Variants in PDE4D observed in about 807,000 individuals in gnomAD.
The protein encoded by PDE4D is 3',5'-cyclic-AMP phosphodiesterase 4D.
A neutral mutation model predicts 87.4 loss-of-function variants in PDE4D; 24 were observed. The observed-to-expected ratio is 0.27, with a 90% CI of 0.20 to 0.39. The LOEUF is 0.39. Among genes scored for constraint, PDE4D ranks in the 10% least tolerant of loss-of-function variants. The pLI is 1.00. For missense variants in PDE4D, 714 were observed against 1,041.0 expected (o/e 0.69, Z 4.32); for synonymous variants, 384 against 383.2 (o/e 1.00, Z -0.02).
chr5:60,051,607 C>T (rs1438667098), intron 2 of PDE4D, among the ~76,000 whole-genome samples: 2 of 152,222 alleles, frequency 1.3e-5, no homozygotes, highest in East Asian at 1.9e-4. Flanking sequence ...AATCGACACC[C>T]TAACGTCACA....
chr5:60,429,834 GTTTTT>G (rs371387651), intron 1 of PDE4D: 1 of 278,190 alleles, frequency 3.6e-6, no homozygotes, highest in African/African-American at 2.5e-5. Flanking sequence ...TGGTGGATTA[GTTTTT>G]TTTTTTTTGT....
At chr5:60,028,272 G>A (rs1344443662) in intron 2 of PDE4D, among the ~76,000 whole-genome samples, 1 of 151,934 alleles carries the variant, frequency 6.6e-6, no homozygotes, top group Admixed American at 6.6e-5. Flanking sequence ...TGTTTTGGGG[G>A]CCCCAAGATT....
At chr5:59,542,598 A>G (rs1206283246) in intron 1 of PDE4D, among the ~76,000 whole-genome samples, 1 of 152,186 alleles carries the variant, frequency 6.6e-6, no homozygotes, top group East Asian at 1.9e-4. Context: ...GAATTACAAA[A>G]TGCACTCATC....
chr5:59,229,507 G>A (rs750220877), intron 1 of PDE4D, among the ~76,000 whole-genome samples: 1 of 152,110 alleles, frequency 6.6e-6, no homozygotes, highest in Non-Finnish European at 1.5e-5. Context: ...AATCAGGGGT[G>A]GGATCAAGGT....
intron 8 of PDE4D, among the ~76,000 whole-genome samples, chr5:58,991,455 T>C (rs986531741): frequency 3.3e-5 from 5 of 152,244 alleles, no homozygotes; most frequent in Admixed American, 3.3e-4. Flanking sequence ...TGGCTTAACC[T>C]TGTGACTTTG....
chr5:59,120,716 C>G (rs1011149347), intron 5 of PDE4D, among the ~76,000 whole-genome samples: 1 of 151,522 alleles, frequency 6.6e-6, no homozygotes, highest in Non-Finnish European at 1.5e-5. Context: ...CACAACTAAC[C>G]AAAGCAATCC....
At chr5:59,860,548 T>C (rs1385791850) in intron 1 of PDE4D, among the ~76,000 whole-genome samples, 1 of 152,226 alleles carries the variant, frequency 6.6e-6, no homozygotes, top group African/African-American at 2.4e-5. Flanking sequence ...AATATTTAAA[T>C]GAATCACTTT....
intron 4 of PDE4D, among the ~76,000 whole-genome samples, chr5:59,183,685 A>G (rs1012153605): frequency 2.0e-5 from 3 of 152,188 alleles, no homozygotes; most frequent in African/African-American, 7.2e-5. Context: ...CCCAAAGCCC[A>G]AGGGGGCCGC....
intron 1 of PDE4D, among the ~76,000 whole-genome samples, chr5:60,432,301 A>AT (rs537501932): frequency 4.0e-4 from 61 of 152,218 alleles, no homozygotes; most frequent in Middle Eastern, 3.4e-3. Context: ...CTCCTCCTCA[A>AT]TTTTTTGGAA....
intron 1 of PDE4D, among the ~76,000 whole-genome samples, chr5:60,350,522 G>A (rs1291877982): frequency 6.6e-6 from 1 of 152,092 alleles, no homozygotes; most frequent in Non-Finnish European, 1.5e-5. Flanking sequence ...GTATTCAGCA[G>A]GTTACATTCA....
intron 10 of PDE4D, among the ~76,000 whole-genome samples, chr5:58,989,357 A>G (rs1206110001): frequency 6.6e-6 from 1 of 152,174 alleles, no homozygotes; most frequent in Non-Finnish European, 1.5e-5. Flanking sequence ...AAATTAAAGT[A>G]TGTCCTTCTA....
intron 1 of PDE4D, among the ~76,000 whole-genome samples, chr5:59,605,402 A>G (rs960777967): frequency 6.6e-6 from 1 of 152,136 alleles, no homozygotes; most frequent in Admixed American, 6.6e-5. Context: ...GTATTTAAAG[A>G]AAATCAAAAC....
chr5:59,881,359 A>AT (rs761107492), intron 1 of PDE4D, among the ~76,000 whole-genome samples: 1 of 152,104 alleles, frequency 6.6e-6, no homozygotes, highest in African/African-American at 2.4e-5. Flanking sequence ...CCTTATTATC[A>AT]TTTTTTTATT....
At chr5:59,540,168 T>C (rs1561160406) in intron 1 of PDE4D, among the ~76,000 whole-genome samples, 1 of 152,198 alleles carries the variant, frequency 6.6e-6, no homozygotes, top group Non-Finnish European at 1.5e-5. Context: ...TACGTGTAAC[T>C]AACAGTAGGG....
chr5:59,964,862 G>A (rs1456262516), intron 3 of PDE4D, among the ~76,000 whole-genome samples: 1 of 152,058 alleles, frequency 6.6e-6, no homozygotes, highest in Non-Finnish European at 1.5e-5. Context: ...TGTATCCTGT[G>A]TACCTCGTCA....
chr5:60,072,461 A>G lies in PDE4D; in HGVS notation c.43-83744T>C, dbSNP rs373503386. Among the ~76,000 whole-genome samples, 11 of 151,726 alleles carry G rather than the reference A, an allele frequency of 7.2e-5. No individual in the cohort carries two copies. In the East Asian group the frequency reaches 1.4e-3, roughly 19 times the overall value. On this transcript the variant is annotated intron_variant, in intron 2 of 16. Transcript: ENST00000502484. ...TTTTCTCCCATTCTGTAGGTTGTCTATTTTCTCTGTTGGTAGTTTCTTTTG... is the reference window on the plus strand; with the variant it reads ...TTTTCTCCCATTCTGTAGGTTGTCTGTTTTCTCTGTTGGTAGTTTCTTTTG...
chr5:60,425,405 C>A (rs897005122), intron 1 of PDE4D, among the ~76,000 whole-genome samples: 1 of 152,274 alleles, frequency 6.6e-6, no homozygotes, highest in East Asian at 1.9e-4. Flanking sequence ...TGGTCTTTGA[C>A]AAACCTGACA....
intron 1 of PDE4D, among the ~76,000 whole-genome samples, chr5:59,595,423 C>G (rs1053410267): frequency 5.3e-5 from 8 of 152,090 alleles, no homozygotes; most frequent in Admixed American, 2.0e-4. Flanking sequence ...ATTCCATTCC[C>G]AAAAGACAAG....
chr5:59,528,102 T>C (rs769228655), intron 1 of PDE4D, among the ~76,000 whole-genome samples: 1 of 152,124 alleles, frequency 6.6e-6, no homozygotes, highest in Non-Finnish European at 1.5e-5. Context: ...ACAAAACCCT[T>C]GGTGACAGGA....
Sources: allele counts gnomAD v4.1 joint callset (sites outside exome capture counted in the v4.1 genomes callset), GRCh38; gene constraint gnomAD v4.1.1; transcripts MANE v1.5; gene names NCBI Gene and HGNC (gene_info 2026-07-23, HGNC 2026-07-21).